UBE3B: variants seen among roughly 807,000 people sequenced by gnomAD.
UBE3B encodes ubiquitin protein ligase E3B, also known as ubiquitin-protein ligase E3B.
Under a neutral mutation model 132.3 loss-of-function variants are expected in UBE3B, and 80 were observed. The observed-to-expected ratio is 0.60, with a 90% CI of 0.50 to 0.73. The LOEUF (loss-of-function observed/expected upper bound fraction) is 0.73. UBE3B is among the 30% of genes least tolerant of loss of function. UBE3B has a pLI of 0.00. For missense variants in UBE3B, 1,196 were observed against 1,362.5 expected, an observed-to-expected ratio of 0.88 and a Z score of 1.92; for synonymous variants, 487 against 520.4, an observed-to-expected ratio of 0.94 and a Z score of 0.87.
chr12:109,533,402 C>T, intron 26 of UBE3B, 64 bp from the exon 27 acceptor site: 1 of 1,428,912 alleles, frequency 7.0e-7, no homozygotes, highest in Non-Finnish European at 9.9e-7. Flanking sequence ...TACACAGCTG[C>T]AAGGGCCCGT....
At chr12:109,507,138 T>C (rs1879790796) in intron 14 of UBE3B, among the ~76,000 whole-genome samples, 2 of 152,236 alleles carry the variant, frequency 1.3e-5, no homozygotes, top group African/African-American at 4.8e-5. Flanking sequence ...ATTTACTCTT[T>C]GGCTGTTTCC....
At chr12:109,508,472 T>G in intron 15 of UBE3B, 4 of 978,940 alleles carry the variant, frequency 4.1e-6, no homozygotes, top group Non-Finnish European at 4.9e-6. Context: ...TTCCTTTGGT[T>G]TTTAAGCTTA....
In UBE3B at chr12:109,521,972, G is replaced by C. The variant is rs904903791; in HGVS notation, c.2364+421G>C. On this transcript the variant is annotated intron_variant, in intron 21 of 27. Transcript: ENST00000342494. This position sits in a 1 kb window ranked among gnomAD's most constrained non-coding sequence, Gnocchi z 4.2. ...GAGGCTGGGTCCCCGTTGTAGGAGG[G>C]CAGCATTTTGTGGAGTTTGATAGTT... is the stretch of plus-strand genomic sequence containing the variant. 6.6e-6 allele frequency among the ~76,000 whole-genome samples: 1 copy of C among 152,188 alleles called. No homozygotes were observed. Among genetic ancestry groups the C allele is most frequent in the African/African-American group, 2.4e-5 (1 of 41,442 alleles).
Position 109,486,669 on chromosome 12 carries a change from C to T in UBE3B, c.447+94C>T, listed in dbSNP as rs559635527. 146 of 1,042,686 alleles carry T rather than the reference C, an allele frequency of 1.4e-4. 2 individuals carry two copies. The highest frequency in any genetic ancestry group is 8.3e-5 in the Admixed American group (3 of 36,162). 64.6% of individuals were successfully genotyped at this position (1,042,686 alleles called of 1,614,324 possible). Reference sequence around the variant, plus strand: ...ACTTTAGTCTGTATTTTCAGAGTCACTATCAACGAGAGTTGCTAGTTGAGC... The same window carrying T: ...ACTTTAGTCTGTATTTTCAGAGTCATTATCAACGAGAGTTGCTAGTTGAGC... On this transcript the variant is annotated intron_variant, in intron 6 of 27. Coordinates refer to ENST00000342494, the MANE Select transcript of UBE3B (RefSeq NM_130466.4).
chr12:109,501,460 G>C lies in UBE3B; in HGVS notation c.1208G>C (p.Ser403Thr). Residue 403 changes from serine (S) to threonine (T), a missense_variant, in exon 13 of 28, where the codon AGC becomes ACC. Physicochemically the swap from Ser to Thr is moderately conservative, Grantham distance 58. Transcript: ENST00000342494. ...LIRIFFCDIL[S>T]KKLLESQEPA... ...CGGATCTTCTTCTGTGACATCCTGA[G>C]CAAGAAGCTACTGGAGAGCCAGGAG... is the stretch of plus-strand genomic sequence containing the variant. 1 of 1,614,162 alleles carries C rather than the reference G, an allele frequency of 6.2e-7. No homozygotes were observed. Among genetic ancestry groups the C allele is most frequent in the Non-Finnish European group, 8.5e-7 (1 of 1,180,022 alleles).
Position 109,534,245 on chromosome 12 carries a change from G to C in UBE3B, c.3016-346G>C. ...GGCCACAGCACCGGTGAGGAGGGAG[G>C]AGTGCATTCAGAAATGTTTGGGCAC... On this transcript the variant is annotated intron_variant, in intron 27 of 27. Coordinates refer to ENST00000342494, the MANE Select transcript of UBE3B (RefSeq NM_130466.4). This position sits in a 1 kb window ranked among gnomAD's most constrained non-coding sequence, Gnocchi z 5.2. 2 of 1,270,372 alleles carry C rather than the reference G, an allele frequency of 1.6e-6. No homozygotes were observed. The highest frequency in any genetic ancestry group is 3.1e-5 in the South Asian group (2 of 64,740). The allele number at this position is 1,270,372 out of a possible 1,614,324, so 78.7% of individuals were successfully genotyped here.
chr12:109,488,757 C>A, intron 7 of UBE3B, 89 bp downstream of exon 7: 2 of 1,284,910 alleles, frequency 1.6e-6, no homozygotes, highest in Non-Finnish European at 2.3e-6. Context: ...AGCATTTTTG[C>A]CACAAGCCTC....
intron 2 of UBE3B, among the ~76,000 whole-genome samples, chr12:109,482,139 C>T (rs1008980867): frequency 2.0e-5 from 3 of 152,062 alleles, no homozygotes; most frequent in South Asian, 4.2e-4. Context: ...TAATTTAATA[C>T]CTCTAGGAGA....
At chr12:109,486,704 G>A in intron 6 of UBE3B, 129 bp downstream of exon 6, 2 of 751,796 alleles carry the variant, frequency 2.7e-6, no homozygotes, top group South Asian at 2.0e-5. Context: ...CCACTGTTCT[G>A]GAAGAGAGGA....
At chr12:109,517,200 TAA>T (rs1881175872) in intron 19 of UBE3B, among the ~76,000 whole-genome samples, 1 of 152,216 alleles carries the variant, frequency 6.6e-6, no homozygotes, top group South Asian at 2.1e-4. Context: ...GCGGCTGCAC[TAA>T]CACTCTCAGG....
chr12:109,495,812 C>T (rs1043278895), intron 9 of UBE3B, among the ~76,000 whole-genome samples: 5 of 152,216 alleles, frequency 3.3e-5, no homozygotes, highest in East Asian at 1.9e-4. Context: ...GGTTTAAGAA[C>T]GCCTTTAAGC....
At position 109,507,960 on chromosome 12, in the gene UBE3B, G is replaced by A. The variant is rs139342666; in HGVS notation, c.1622+225G>A. Among the ~76,000 whole-genome samples, 450 of 152,354 alleles carry A rather than the reference G, an allele frequency of 3.0e-3. 10 individuals carry two copies. Among genetic ancestry groups the A allele is most frequent in the African/African-American group, 0.01 (429 of 41,590 alleles). Reference sequence around the variant, plus strand: ...TAAAAGTTCCCATCCTTTCAAGGAAGCTGATCAGTACCACTGGCTGTGGCT... The same window carrying A: ...TAAAAGTTCCCATCCTTTCAAGGAAACTGATCAGTACCACTGGCTGTGGCT... On this transcript the variant is annotated intron_variant, in intron 15 of 27. Transcript: ENST00000342494.
Position 109,534,695 on chromosome 12 carries a change from C to T in UBE3B, c.3120C>T (p.Leu1040=). ...CCTCCTCCACCTGCTTCAACCTGCT[C>T]AAGCTGCCCAACTACAGCAAGAAGA... ...LPTSSTCFNL[L]KLPNYSKKSV... The change falls in exon 28 of 28, where the codon CTC becomes CTT. Residue 1040 remains leucine (L), a synonymous_variant. Transcript: ENST00000342494. The surrounding 1 kb of genome is among the most constrained non-coding windows in gnomAD (Gnocchi z 5.2). 1 of 1,608,666 alleles carries T rather than the reference C, an allele frequency of 6.2e-7. No individual in the cohort carries two copies. Among genetic ancestry groups the T allele is most frequent in the Non-Finnish European group, 8.5e-7 (1 of 1,177,950 alleles).
intron 24 of UBE3B, 25 bp from the exon 25 acceptor site, chr12:109,529,865 G>A (rs1882767656): frequency 6.2e-7 from 1 of 1,613,226 alleles, no homozygotes; most frequent in Admixed American, 1.7e-5. Context: ...AATTGTCATT[G>A]TTATCTCTTC....
In UBE3B at chr12:109,522,019, G is replaced by T. The variant is rs1210473067; in HGVS notation, c.2364+468G>T. On this transcript the variant is annotated intron_variant, in intron 21 of 27. Transcript: ENST00000342494. This position sits in a 1 kb window ranked among gnomAD's most constrained non-coding sequence, Gnocchi z 4.2. ...AGTTTTAAAATCTTGTGTTGTTTGA[G>T]TGAGTGCTTCCCAGCCATGGCAACA... Among the ~76,000 whole-genome samples the T allele has an allele frequency of 6.6e-6, 1 of 152,198 alleles. No individual in the cohort carries two copies. Among genetic ancestry groups the T allele is most frequent in the Non-Finnish European group, 1.5e-5 (1 of 68,040 alleles).
In UBE3B at chr12:109,521,954, G is replaced by A. The variant is rs1441465208; in HGVS notation, c.2364+403G>A. 6.6e-6 allele frequency among the ~76,000 whole-genome samples: 1 copy of A among 152,168 alleles called. No individual in the cohort carries two copies. The highest frequency in any genetic ancestry group is 1.9e-4 in the East Asian group (1 of 5,196). ...GAGCCAGATGGCCACACGGAGGCTG[G>A]GTCCCCGTTGTAGGAGGGCAGCATT... On this transcript the variant is annotated intron_variant, in intron 21 of 27. Coordinates refer to ENST00000342494, the MANE Select transcript of UBE3B (RefSeq NM_130466.4). The surrounding 1 kb of genome is among the most constrained non-coding windows in gnomAD (Gnocchi z 4.2).
intron 14 of UBE3B, among the ~76,000 whole-genome samples, chr12:109,507,349 T>C (rs1879815668): frequency 6.6e-6 from 1 of 152,290 alleles, no homozygotes. Flanking sequence ...GTGCTTAGAA[T>C]GGTGCCTGGC....
At chr12:109,485,451 A>G (rs1272640904) in intron 4 of UBE3B, among the ~76,000 whole-genome samples, 1 of 152,254 alleles carries the variant, frequency 6.6e-6, no homozygotes, top group Non-Finnish European at 1.5e-5. Context: ...CTTACAGAGA[A>G]GGAAACTGCA....
chr12:109,483,874 G>C lies in UBE3B; in HGVS notation c.175G>C (p.Asp59His). Residue 59 changes from aspartate to histidine, a missense_variant, in exon 4 of 28, where the codon GAC (aspartate) becomes CAC (histidine). Physicochemically the swap from Asp to His is moderately conservative, Grantham distance 81. Coordinates refer to ENST00000342494, the MANE Select transcript of UBE3B (RefSeq NM_130466.4). ...TTTCTTTTCTAGGAGAGAGATTGAT[G>C]ACTTTTTTAAAGCAGATGACCCTGA... is the stretch of plus-strand genomic sequence containing the variant. ...LQRDIRREID[D>H]FFKADDPEST... 2 of 1,610,856 alleles carry C rather than the reference G, an allele frequency of 1.2e-6. No homozygotes were observed. Among genetic ancestry groups the C allele is most frequent in the Non-Finnish European group, 1.7e-6 (2 of 1,178,740 alleles).
Sources: gnomAD v4.1 joint callset for allele counts (sites outside exome capture counted in the v4.1 genomes callset) on GRCh38, gnomAD v4.1.1 for gene constraint, Gnocchi (gnomAD v3.1) non-coding constraint, MANE v1.5 for transcripts, NCBI Gene and HGNC (gene_info 2026-07-23, HGNC 2026-07-21) for gene names.